MCCC2: variants seen among roughly 807,000 people sequenced by gnomAD.
MCCC2 encodes methylcrotonyl-CoA carboxylase subunit 2, also known as methylcrotonoyl-CoA carboxylase beta chain, mitochondrial.
MCCC2 carries 52 observed loss-of-function variants against 77.2 expected under a neutral mutation model. The ratio of observed to expected loss-of-function variants is 0.67; its 90% confidence interval spans 0.54 to 0.85. The LOEUF (loss-of-function observed/expected upper bound fraction) is 0.85, where lower values mean the gene tolerates loss of function less well. Ranked by LOEUF, MCCC2 falls within the 40% of genes least tolerant of loss-of-function variation. The pLI is 0.00. For synonymous variants in MCCC2, 253 were observed against 248.4 expected, an observed-to-expected ratio of 1.02 and a Z score of -0.18; for missense variants, 682 against 703.2, an observed-to-expected ratio of 0.97 and a Z score of 0.34.
At chr5:71,600,536 C>T (rs1745385814) in intron 4 of MCCC2, among the ~76,000 whole-genome samples, 3 of 152,070 alleles carry the variant, frequency 2.0e-5, no homozygotes, top group Admixed American at 2.0e-4. Flanking sequence ...AATGATCTTC[C>T]TGCCTTGGCC....
intron 10 of MCCC2, among the ~76,000 whole-genome samples, chr5:71,640,327 AT>A (rs971508833): frequency 1.9e-3 from 172 of 90,858 alleles, no homozygotes; most frequent in Non-Finnish European, 1.1e-3. Flanking sequence ...TTATCCTTTT[AT>A]TTTTTTTTCT....
chr5:71,656,643 A>T (rs1253857303), intron 16 of MCCC2, 100 bp from the exon 17 acceptor site: 2 of 885,384 alleles, frequency 2.3e-6, no homozygotes, highest in African/African-American at 3.3e-5. Flanking sequence ...AGATCCATAT[A>T]TTACCTGAAG....
chr5:71,650,303 G>A, intron 15 of MCCC2, 120 bp downstream of exon 15: 1 of 756,234 alleles, frequency 1.3e-6, no homozygotes, highest in South Asian at 1.5e-5. Context: ...GGCGCACACT[G>A]CCTGGCCATA....
chr5:71,618,718 G>A (rs1473705287), intron 6 of MCCC2, among the ~76,000 whole-genome samples: 2 of 152,066 alleles, frequency 1.3e-5, no homozygotes, highest in Admixed American at 6.6e-5. Flanking sequence ...ACTCAGTCTT[G>A]GGTATTCTGT....
chr5:71,622,872 G>A (rs1307116072), intron 6 of MCCC2, among the ~76,000 whole-genome samples: 1 of 152,120 alleles, frequency 6.6e-6, no homozygotes, highest in Admixed American at 6.5e-5. Context: ...TTTGGGAGGC[G>A]GAGGCGGGCG....
intron 6 of MCCC2, among the ~76,000 whole-genome samples, chr5:71,616,113 C>T (rs944653704): frequency 2.6e-5 from 4 of 152,228 alleles, no homozygotes; most frequent in Non-Finnish European, 5.9e-5. Context: ...GGTGCATTCC[C>T]ACTCCGCGGG....
At chr5:71,592,800 C>T (rs1243484917) in intron 1 of MCCC2, 126 bp from the exon 2 acceptor site, 8 of 761,124 alleles carry the variant, frequency 1.1e-5, no homozygotes, top group African/African-American at 1.8e-5. Flanking sequence ...GATGGGGTGG[C>T]CCAGTGTGGC....
At chr5:71,616,876 T>G (rs1561834224) in intron 6 of MCCC2, among the ~76,000 whole-genome samples, 5 of 152,196 alleles carry the variant, frequency 3.3e-5, no homozygotes, top group Admixed American at 2.0e-4. Flanking sequence ...CTCTCCACTC[T>G]GTTCCTACTA....
intron 6 of MCCC2, among the ~76,000 whole-genome samples, chr5:71,620,152 C>G (rs933918680): frequency 3.3e-5 from 5 of 152,216 alleles, no homozygotes; most frequent in African/African-American, 1.2e-4. Flanking sequence ...GCATTTCAAT[C>G]TATCCAGTTG....
chr5:71,631,665 C>T (rs977649469), intron 7 of MCCC2, among the ~76,000 whole-genome samples: 47 of 150,690 alleles, frequency 3.1e-4, no homozygotes, highest in Non-Finnish European at 5.6e-4. Flanking sequence ...CTCAGCCTCC[C>T]GAGTAGCTGG....
chr5:71,630,635 C>T (rs1490800494), intron 7 of MCCC2, among the ~76,000 whole-genome samples: 1 of 152,028 alleles, frequency 6.6e-6, no homozygotes, highest in Non-Finnish European at 1.5e-5. Flanking sequence ...AGGAAAAGAA[C>T]CAAGAATTTA....
chr5:71,594,488 A>G (rs1210160414), intron 2 of MCCC2, among the ~76,000 whole-genome samples: 1 of 148,168 alleles, frequency 6.7e-6, no homozygotes, highest in African/African-American at 2.5e-5. Flanking sequence ...AGATGGTGCC[A>G]TTGCACTCTA....
At chr5:71,639,295 A>G (rs1747039808) in intron 10 of MCCC2, among the ~76,000 whole-genome samples, 1 of 152,192 alleles carries the variant, frequency 6.6e-6, no homozygotes, top group South Asian at 2.1e-4. Flanking sequence ...TAATGTAGCC[A>G]CCTTCATCAA....
intron 4 of MCCC2, among the ~76,000 whole-genome samples, chr5:71,600,304 T>G (rs1345051606): frequency 6.6e-6 from 1 of 152,234 alleles, no homozygotes; most frequent in African/African-American, 2.4e-5. Context: ...AAAGTAGTAC[T>G]TAATTATAAA....
chr5:71,643,414 C>A (rs181568538), intron 11 of MCCC2, among the ~76,000 whole-genome samples: 50 of 152,248 alleles, frequency 3.3e-4, no homozygotes, highest in African/African-American at 1.2e-3. Context: ...TCTGGCTTAT[C>A]AGTATGTTGA....
At chr5:71,624,549 G>A (rs534014506) in intron 6 of MCCC2, among the ~76,000 whole-genome samples, 30 of 151,508 alleles carry the variant, frequency 2.0e-4, no homozygotes, top group African/African-American at 6.8e-4. Flanking sequence ...GGCTAATCTT[G>A]TATTTTTAGT....
Position 71,655,699 on chromosome 5 carries a change from C to T in MCCC2, c.1575-1044C>T, listed in dbSNP as rs921665812. ...AATAGTTGATGCCAGGTTCAGATAC[C>T]GAAGGGAGTTTATATAAAAAAAGCA... On this transcript the variant is annotated intron_variant, in intron 16 of 16. Coordinates refer to ENST00000340941, the MANE Select transcript of MCCC2 (RefSeq NM_022132.5). Among the ~76,000 whole-genome samples the T allele has an allele frequency of 4.6e-5, 7 of 151,806 alleles. No individual in the cohort carries two copies. In the East Asian group the frequency reaches 5.8e-4, roughly 13 times the overall value.
chr5:71,640,742 A>G (rs918908841), intron 10 of MCCC2, among the ~76,000 whole-genome samples: 45 of 152,182 alleles, frequency 3.0e-4, no homozygotes, highest in Non-Finnish European at 3.7e-4. Flanking sequence ...AAGTCTAGCA[A>G]CCAGCCCTTG....
At chr5:71,632,857 A>C (rs1332915482) in intron 8 of MCCC2, among the ~76,000 whole-genome samples, 3 of 152,076 alleles carry the variant, frequency 2.0e-5, no homozygotes, top group African/African-American at 7.2e-5. Flanking sequence ...GTTAGAGTGC[A>C]GGGGTAAGAA....
Sources: gnomAD v4.1 joint callset for allele counts (sites outside exome capture counted in the v4.1 genomes callset) on GRCh38, gnomAD v4.1.1 for gene constraint, MANE v1.5 for transcripts, NCBI Gene and HGNC (gene_info 2026-07-23, HGNC 2026-07-21) for gene names.